Variants in ARSB observed in about 807,000 individuals in gnomAD.
ARSB encodes the protein N-acetylgalactosamine-4-sulfatase.
A neutral mutation model predicts 50.9 loss-of-function variants in ARSB; 41 were observed. That is an observed-to-expected ratio of 0.81 (90% CI 0.63 to 1.04). The LOEUF is 1.04. ARSB is among the 50% of genes least tolerant of loss of function. The pLI, the probability that ARSB is intolerant of heterozygous loss-of-function variation, is 0.00. For missense variants in ARSB, 672 were observed against 693.3 expected (o/e 0.97, Z 0.35); for synonymous variants, 269 against 284.8 (o/e 0.94, Z 0.56).
intron 6 of ARSB, among the ~76,000 whole-genome samples, chr5:78,784,295 A>G (rs1749020161): frequency 6.6e-6 from 1 of 152,248 alleles, no homozygotes; most frequent in South Asian, 2.1e-4. Flanking sequence ...GAACTACCAT[A>G]CAGTGCAGTA....
At chr5:78,863,116 G>A (rs186015325) in intron 5 of ARSB, among the ~76,000 whole-genome samples, 10 of 152,344 alleles carry the variant, frequency 6.6e-5, no homozygotes, top group African/African-American at 1.4e-4. Context: ...AACAGGTGCT[G>A]GAGAGGATGT....
intron 5 of ARSB, among the ~76,000 whole-genome samples, chr5:78,866,380 C>G (rs1409049706): frequency 1.3e-5 from 2 of 152,138 alleles, no homozygotes; most frequent in South Asian, 4.1e-4. Flanking sequence ...AAGACCTGCC[C>G]CATGATTCAA....
At chr5:78,856,464 T>A (rs1027829813) in intron 5 of ARSB, among the ~76,000 whole-genome samples, 1 of 152,224 alleles carries the variant, frequency 6.6e-6, no homozygotes, top group Non-Finnish European at 1.5e-5. Context: ...ATATGCCATA[T>A]AGGGATATTA....
intron 5 of ARSB, among the ~76,000 whole-genome samples, chr5:78,849,122 A>C (rs375495611): frequency 6.6e-6 from 1 of 152,112 alleles, no homozygotes; most frequent in Non-Finnish European, 1.5e-5. Context: ...TTGGTGTTTT[A>C]GACATGAAGT....
intron 5 of ARSB, among the ~76,000 whole-genome samples, chr5:78,878,097 T>A (rs904249709): frequency 6.6e-5 from 10 of 152,284 alleles, no homozygotes; most frequent in East Asian, 3.9e-4. Flanking sequence ...GAATTTTTTT[T>A]AAATAAAAAG....
intron 4 of ARSB, among the ~76,000 whole-genome samples, chr5:78,901,768 C>CA (rs970999927): frequency 1.3e-5 from 2 of 152,114 alleles, no homozygotes; most frequent in African/African-American, 4.8e-5. Flanking sequence ...AATAGATACA[C>CA]AAAAAGATGT....
intron 5 of ARSB, among the ~76,000 whole-genome samples, chr5:78,851,113 G>C (rs1005015446): frequency 7.9e-4 from 121 of 152,246 alleles, no homozygotes; most frequent in Non-Finnish European, 1.5e-3. Context: ...TTTTGAATGT[G>C]TTTGCTCTTG....
chr5:78,852,043 G>A (rs1441793469), intron 5 of ARSB, among the ~76,000 whole-genome samples: 1 of 152,174 alleles, frequency 6.6e-6, no homozygotes, highest in African/African-American at 2.4e-5. Flanking sequence ...TTTAATTGGA[G>A]CATTTAGCCC....
chr5:78,892,140 A>T (rs1291222138), intron 4 of ARSB, among the ~76,000 whole-genome samples: 1 of 152,088 alleles, frequency 6.6e-6, no homozygotes. Flanking sequence ...CTGGATATTT[A>T]CTAAACATAT....
chr5:78,810,060 A>C (rs1743748756), intron 6 of ARSB, among the ~76,000 whole-genome samples: 1 of 152,208 alleles, frequency 6.6e-6, no homozygotes, highest in Non-Finnish European at 1.5e-5. Context: ...TCCAAAGCTC[A>C]TCTGGAGCAA....
chr5:78,898,934 T>C (rs1018623858), intron 4 of ARSB, among the ~76,000 whole-genome samples: 7 of 152,224 alleles, frequency 4.6e-5, no homozygotes, highest in Non-Finnish European at 1.0e-4. Context: ...TTTTGCACAT[T>C]AGCGTTTTTT....
chr5:78,816,127 C>A (rs776891625), intron 6 of ARSB: 1 of 1,614,104 alleles, frequency 6.2e-7, no homozygotes, highest in Admixed American at 1.7e-5. Context: ...GTAAAACACA[C>A]AAAATGACTT....
chr5:78,943,438 G>A (rs1397030412), intron 4 of ARSB, among the ~76,000 whole-genome samples: 1 of 152,148 alleles, frequency 6.6e-6, no homozygotes, highest in East Asian at 1.9e-4. Context: ...TCCATGTTTA[G>A]TGCTTCCTTC....
In ARSB at chr5:78,820,567, GA is replaced by G. The variant is rs201873566; in HGVS notation, c.1213+18788del. On this transcript the variant is annotated intron_variant, in intron 6 of 7. Transcript: ENST00000264914. ...CAGAGCAAGACTCCAACTCAAAAAA[GA>G]AAAAAAAATCATGTAAATATACACT... Among the ~76,000 whole-genome samples the G allele has an allele frequency of 1.1e-4, 17 of 149,922 alleles. No individual in the cohort carries two copies. In the South Asian group the frequency reaches 3.6e-3, roughly 32 times the overall value.
intron 4 of ARSB, among the ~76,000 whole-genome samples, chr5:78,892,812 C>T (rs550190407): frequency 6.6e-6 from 1 of 152,310 alleles, no homozygotes; most frequent in South Asian, 2.1e-4. Flanking sequence ...GCATTCAGGG[C>T]AGATAAGTGC....
At chr5:78,928,852 C>T (rs916138742) in intron 4 of ARSB, among the ~76,000 whole-genome samples, 1 of 152,094 alleles carries the variant, frequency 6.6e-6, no homozygotes, top group Non-Finnish European at 1.5e-5. Flanking sequence ...GCAAAATGAA[C>T]ACTCCAGGAA....
chr5:78,891,248 A>T (rs1561485609), intron 4 of ARSB, among the ~76,000 whole-genome samples: 1 of 152,208 alleles, frequency 6.6e-6, no homozygotes, highest in Non-Finnish European at 1.5e-5. Flanking sequence ...TTGACTTTTC[A>T]TTGGCTATTC....
At chr5:78,782,768 A>C (rs1355624130) in intron 6 of ARSB, among the ~76,000 whole-genome samples, 2 of 152,226 alleles carry the variant, frequency 1.3e-5, no homozygotes, top group African/African-American at 4.8e-5. Context: ...TGTAGCAGAG[A>C]GATCTTGTTT....
In ARSB at chr5:78,956,775, A is replaced by G. The variant is rs552531572; in HGVS notation, c.691-1273T>C. Among the ~76,000 whole-genome samples, 9 of 152,292 alleles carry G rather than the reference A, an allele frequency of 5.9e-5. No homozygotes were observed. In the South Asian group the frequency reaches 1.2e-3, roughly 21 times the overall value. On this transcript the variant is annotated intron_variant, in intron 3 of 7. Coordinates refer to ENST00000264914, the MANE Select transcript of ARSB (RefSeq NM_000046.5). ...GAGTTAACTGAGGCTTAGAAAGGTTATATGTGTGACTTGTCCAACTCCACA... is the reference window on the plus strand; with the variant it reads ...GAGTTAACTGAGGCTTAGAAAGGTTGTATGTGTGACTTGTCCAACTCCACA...
Sources: gnomAD v4.1 joint callset for allele counts (sites outside exome capture counted in the v4.1 genomes callset) on GRCh38, gnomAD v4.1.1 for gene constraint, MANE v1.5 for transcripts, NCBI Gene and HGNC (gene_info 2026-07-23, HGNC 2026-07-21) for gene names.